The following YEATS2 variants were observed in gnomAD, a reference collection of about 807,000 sequenced individuals.
The protein encoded by YEATS2 is YEATS domain-containing protein 2.
In YEATS2, 77 loss-of-function variants were observed where a neutral mutation model predicts 163.2. The observed-to-expected ratio is 0.47, with a 90% CI of 0.39 to 0.57. YEATS2 has a LOEUF of 0.57. YEATS2 is among the 20% of genes least tolerant of loss of function. YEATS2 has a pLI of 0.00. For missense variants in YEATS2, 1,549 were observed against 1,729.8 expected (o/e 0.90, Z 1.85); for synonymous variants, 631 against 645.1 (o/e 0.98, Z 0.33).
chr3:183,788,388 G>T (rs1431680720), intron 20 of YEATS2, among the ~76,000 whole-genome samples: 6 of 152,152 alleles, frequency 3.9e-5, no homozygotes. Context: ...TCCCACATGA[G>T]TGAGAACGTG....
chr3:183,754,906 A>C (rs1358246007), intron 11 of YEATS2, among the ~76,000 whole-genome samples: 1 of 152,134 alleles, frequency 6.6e-6, no homozygotes, highest in Non-Finnish European at 1.5e-5. Flanking sequence ...TGTTAGGTAA[A>C]ATTTAGTAGG....
chr3:183,782,744 C>T (rs184561924), intron 19 of YEATS2, among the ~76,000 whole-genome samples: 4 of 152,244 alleles, frequency 2.6e-5, no homozygotes, highest in Admixed American at 2.6e-4. Flanking sequence ...TATTTTTGTT[C>T]CATGATTCCA....
At chr3:183,703,188 G>T (rs9826007) in intron 1 of YEATS2, among the ~76,000 whole-genome samples, 4,933 of 152,146 alleles carry the variant, frequency 0.032, 200 homozygotes, top group East Asian at 0.15. Flanking sequence ...TGACCAGATC[G>T]CTCAGCTTCT....
Position 183,717,644 on chromosome 3 carries a change from T to C in YEATS2, c.101-7T>C, listed in dbSNP as rs1345066282. On this transcript the variant is annotated splice_polypyrimidine_tract_variant and splice_region_variant and intron_variant, in intron 2 of 30. Transcript: ENST00000305135. ...GGCCTTGGATGTATTTTATGTTCTT[T>C]GTACAGCTCGAGATGCTGCTGTGCA... 1 of 1,554,176 alleles carries C rather than the reference T, an allele frequency of 6.4e-7. No homozygotes were observed. Among genetic ancestry groups the C allele is most frequent in the Non-Finnish European group, 8.6e-7 (1 of 1,158,840 alleles).
chr3:183,732,209 G>T (rs1047884569), intron 7 of YEATS2, among the ~76,000 whole-genome samples: 3 of 150,994 alleles, frequency 2.0e-5, no homozygotes, highest in African/African-American at 7.3e-5. Flanking sequence ...CCAGCACTTT[G>T]GGAGACTGAG....
intron 1 of YEATS2, among the ~76,000 whole-genome samples, chr3:183,712,153 C>G (rs1294226627): frequency 7.5e-6 from 1 of 132,754 alleles, no homozygotes; most frequent in Non-Finnish European, 1.5e-5. Flanking sequence ...TGAGTGAATA[C>G]AAAATGAGTA....
At chr3:183,726,275 T>G (rs967551027) in intron 6 of YEATS2, among the ~76,000 whole-genome samples, 1 of 152,202 alleles carries the variant, frequency 6.6e-6, no homozygotes, top group Non-Finnish European at 1.5e-5. Context: ...AACTTTTGAC[T>G]ACTCTGAACC....
chr3:183,797,945 T>A lies in YEATS2; in HGVS notation c.3120T>A (p.Ser1040Arg). 1 of 1,614,116 alleles carries A rather than the reference T, an allele frequency of 6.2e-7. No individual in the cohort carries two copies. Among genetic ancestry groups the A allele is most frequent in the Non-Finnish European group, 8.5e-7 (1 of 1,179,982 alleles). ...TVSGLLKIHS[S>R]QSSPQQAVLT... ...TAGGACTGTTAAAGATTCACTCCAG[T>A]CAGTCCAGTCCGCAGCAGGCCGTCC... is the stretch of plus-strand genomic sequence containing the variant. The change falls in exon 22 of 31, where the codon AGT becomes AGA. Residue 1040 changes from serine to arginine, a missense_variant. Transcript: ENST00000305135.
At chr3:183,730,057 T>TTTG (rs1717591861) in intron 7 of YEATS2, among the ~76,000 whole-genome samples, 1 of 29,968 alleles carries the variant, frequency 3.3e-5, no homozygotes. Flanking sequence ...TGTTTGTTTT[T>TTTG]TTTTTTTTTT....
chr3:183,698,810 C>T (rs1713766903), intron 1 of YEATS2, among the ~76,000 whole-genome samples: 1 of 152,114 alleles, frequency 6.6e-6, no homozygotes, highest in Admixed American at 6.6e-5. Context: ...TATCATTTCC[C>T]CTTTCTTAAT....
At chr3:183,762,330 C>T in intron 15 of YEATS2, 51 bp downstream of exon 15, 1 of 1,513,206 alleles carries the variant, frequency 6.6e-7, no homozygotes, top group Non-Finnish European at 8.8e-7. Flanking sequence ...ATGTTGTTTG[C>T]CTAAATAATT....
rs1008081990 is a variant in YEATS2 at position 183,716,110 on chromosome 3, C to T, written c.100+848C>T. ...GAGTAGCTGGGACTACAGGCACCCG[C>T]CACCACGCCTTGCTAATATTTTGTA... On this transcript the variant is annotated intron_variant, in intron 2 of 30. Transcript: ENST00000305135. Among the ~76,000 whole-genome samples, 5 of 152,156 alleles carry T rather than the reference C, an allele frequency of 3.3e-5. No homozygotes were observed. In the East Asian group the frequency reaches 9.7e-4, roughly 29 times the overall value.
intron 9 of YEATS2, among the ~76,000 whole-genome samples, chr3:183,749,674 C>G (rs1408265768): frequency 2.6e-5 from 4 of 152,100 alleles, no homozygotes; most frequent in Non-Finnish European, 2.9e-5. Context: ...GAGTCTTGCT[C>G]TCTCTCACCC....
At chr3:183,710,411 A>G (rs1366248484) in intron 1 of YEATS2, among the ~76,000 whole-genome samples, 2 of 152,248 alleles carry the variant, frequency 1.3e-5, no homozygotes, top group African/African-American at 4.8e-5. Flanking sequence ...TGCATGTGAC[A>G]TGTGCACATT....
chr3:183,780,610 A>T (rs756476540), intron 19 of YEATS2, among the ~76,000 whole-genome samples: 3 of 152,206 alleles, frequency 2.0e-5, no homozygotes, highest in Non-Finnish European at 4.4e-5. Flanking sequence ...CACAATGAAG[A>T]TAAAATGGCA....
intron 8 of YEATS2, among the ~76,000 whole-genome samples, chr3:183,737,221 T>A (rs1365420574): frequency 3.9e-5 from 6 of 152,196 alleles, no homozygotes; most frequent in Admixed American, 3.9e-4. Context: ...GGATTGGTCT[T>A]GCTGCCTCAG....
In YEATS2 at chr3:183,730,035, T is replaced by C. The variant is rs185550188; in HGVS notation, c.812+1184T>C. ...TGATGTTACACACATATATATTAAT[T>C]GTGTGGTTTTTTGTTTGTTTTTTTT... On this transcript the variant is annotated intron_variant, in intron 7 of 30. Transcript: ENST00000305135. 8.0e-3 allele frequency among the ~76,000 whole-genome samples: 1,177 copies of C among 147,210 alleles called. 14 individuals are homozygous for C. Among genetic ancestry groups the C allele is most frequent in the African/African-American group, 0.028 (1,116 of 39,586 alleles).
rs2304753 is a variant in YEATS2 at position 183,797,894 on chromosome 3, A to T, written c.3098-29A>T. On this transcript the variant is annotated intron_variant, in intron 21 of 30. Coordinates refer to ENST00000305135, the MANE Select transcript of YEATS2 (RefSeq NM_018023.5). The stretch of plus-strand genomic sequence containing the variant: ...ACTTTCCCGAAGCACCTGACCTTCA[A>T]CTTGGCTTTATCTTCCAATTTGTTC... The T allele has an allele frequency of 3.1e-6, 5 of 1,612,988 alleles. No homozygotes were observed. In the Admixed American group the frequency reaches 8.3e-5, roughly 27 times the overall value.
intron 1 of YEATS2, among the ~76,000 whole-genome samples, chr3:183,706,153 G>T (rs1714594045): frequency 6.6e-6 from 1 of 152,086 alleles, no homozygotes; most frequent in South Asian, 2.1e-4. Flanking sequence ...GTCAAGGAAG[G>T]CCCCTGATAA....
Sources: gnomAD v4.1 joint callset for allele counts (sites outside exome capture counted in the v4.1 genomes callset) on GRCh38, gnomAD v4.1.1 for gene constraint, MANE v1.5 for transcripts, NCBI Gene and HGNC (gene_info 2026-07-23, HGNC 2026-07-21) for gene names.